The following ATP7A variants were observed in gnomAD, a reference collection of about 807,000 sequenced individuals.
The protein encoded by ATP7A is copper-transporting ATPase 1.
A neutral mutation model predicts 83.5 loss-of-function variants in ATP7A; 7 were observed. The observed-to-expected ratio is 0.08, with a 90% confidence interval of 0.05 to 0.16. ATP7A has a LOEUF of 0.16. Among genes scored for constraint, ATP7A ranks in the 10% least tolerant of loss-of-function variants. ATP7A has a pLI of 1.00. For synonymous variants in ATP7A, 354 were observed against 395.2 expected (o/e 0.90, Z 1.24); for missense variants, 940 against 1,120.8 (o/e 0.84, Z 2.30).
intron 4 of ATP7A, among the ~76,000 whole-genome samples, chrX:77,991,398 A>T (rs181454931): frequency 2.7e-4 from 30 of 112,428 alleles, no homozygotes; most frequent in Admixed American, 4.7e-4. Flanking sequence ...GTATTAGAAC[A>T]TCATTCCTTT....
At chrX:77,966,769 A>C in intron 1 of ATP7A, 1 of 330,994 alleles carries the variant, frequency 3.0e-6, no homozygotes, top group Admixed American at 3.1e-5. Context: ...ATACCTTAAA[A>C]GGCTGAATTT....
chrX:77,972,786 G>A (rs1174502435), intron 2 of ATP7A, among the ~76,000 whole-genome samples: 3 of 111,112 alleles, frequency 2.7e-5, no homozygotes, highest in Non-Finnish European at 3.8e-5. Flanking sequence ...ACAGGTGTGA[G>A]CCACCATGCC....
intron 1 of ATP7A, among the ~76,000 whole-genome samples, chrX:77,949,840 A>T (rs781787648): frequency 2.8e-4 from 31 of 112,381 alleles, no homozygotes; most frequent in Non-Finnish European, 5.3e-4. Flanking sequence ...TTTATTATAC[A>T]TGCATTAGGC....
At chrX:77,939,890 C>T (rs2077341993) in intron 1 of ATP7A, among the ~76,000 whole-genome samples, 1 of 101,350 alleles carries the variant, frequency 9.9e-6, no homozygotes, top group Non-Finnish European at 2.0e-5. Flanking sequence ...TGGGGGGGAC[C>T]CCCCAAAAAC....
At chrX:77,965,399 A>G (rs1428052358) in intron 1 of ATP7A, 4 of 323,622 alleles carry the variant, frequency 1.2e-5, no homozygotes, top group East Asian at 2.0e-4. Context: ...CAAATACCCA[A>G]TAAGCACATG....
chrX:78,030,778 A>C (rs1278344768), intron 15 of ATP7A, among the ~76,000 whole-genome samples: 3 of 102,644 alleles, frequency 2.9e-5, no homozygotes, highest in African/African-American at 1.1e-4. Flanking sequence ...TGCAACCTCC[A>C]CCCACCAAGT....
chrX:77,953,160 A>G (rs1483109985), intron 1 of ATP7A, among the ~76,000 whole-genome samples: 2 of 111,969 alleles, frequency 1.8e-5, no homozygotes, highest in Admixed American at 1.9e-4. Flanking sequence ...ATGTTTTCGC[A>G]TTTGTTGGTT....
Position 78,046,666 on chromosome X carries a change from T to C in ATP7A, c.*96T>C. The C allele has an allele frequency of 9.2e-7, 1 of 1,084,488 alleles. No homozygotes were observed. The highest frequency in any genetic ancestry group is 1.3e-6 in the Non-Finnish European group (1 of 787,475). The allele number at this position is 1,084,488 out of a possible 1,213,427, so 89.4% of individuals were successfully genotyped here. On this transcript the variant is annotated 3_prime_UTR_variant, in exon 23 of 23. Transcript: ENST00000341514. ...TTTCAAAATATTGTAGAAGGATTTT[T>C]CTCATGCTCTTATATTAGGGATTCT...
At chrX:77,940,853 C>A (rs781845526) in intron 1 of ATP7A, among the ~76,000 whole-genome samples, 4 of 111,707 alleles carry the variant, frequency 3.6e-5, no homozygotes, top group African/African-American at 1.3e-4. Context: ...TTTCACATAA[C>A]AGATTGACAA....
rs183290795 is a variant in ATP7A, at chrX:78,046,702, C to A, written c.*132C>A. On this transcript the variant is annotated 3_prime_UTR_variant, in exon 23 of 23. Coordinates refer to ENST00000341514, the MANE Select transcript of ATP7A (RefSeq NM_000052.7). The stretch of plus-strand genomic sequence containing the variant: ...TATATTAGGGATTCTATTTGAGTTG[C>A]GTTTATCTGTTGGCAAAAATATCTT... 3.8e-4 allele frequency: 340 copies of A among 896,107 alleles called. 3 individuals are homozygous for A. In the African/African-American group the frequency reaches 5.3e-3, roughly 14 times the overall value. The allele number at this position is 896,107 out of a possible 1,213,427, so 73.8% of individuals were successfully genotyped here.
intron 2 of ATP7A, among the ~76,000 whole-genome samples, chrX:77,985,319 G>A (rs1557231265): frequency 9.4e-6 from 1 of 106,663 alleles, no homozygotes; most frequent in East Asian, 3.1e-4. Context: ...CACCTGGCCT[G>A]AGGAAGTGAT....
intron 14 of ATP7A, 150 bp from the exon 15 acceptor site, chrX:78,029,100 T>A (rs1448020283): frequency 1.8e-5 from 10 of 559,287 alleles, no homozygotes; most frequent in Non-Finnish European, 2.9e-5. Flanking sequence ...GAAAGTGTTT[T>A]CTTACCTGTA....
At chrX:78,005,463 C>T (rs1200068128) in intron 6 of ATP7A, among the ~76,000 whole-genome samples, 1 of 109,894 alleles carries the variant, frequency 9.1e-6, no homozygotes, top group Non-Finnish European at 1.9e-5. Flanking sequence ...GGGTGGATCA[C>T]CTGAAGTCAG....
intron 6 of ATP7A, among the ~76,000 whole-genome samples, chrX:78,008,014 C>A (rs1393420518): frequency 1.8e-5 from 2 of 112,161 alleles, no homozygotes; most frequent in African/African-American, 6.5e-5. Flanking sequence ...CTATGAAATA[C>A]TATGTCTTAT....
rs782398079 is a variant in ATP7A, at chrX:77,988,597, C to G, written c.476C>G (p.Ala159Gly). 1.7e-6 allele frequency: 2 copies of G among 1,209,862 alleles called. No homozygotes were observed. Among genetic ancestry groups the G allele is most frequent in the South Asian group, 3.5e-5 (2 of 56,835 alleles). ...GGGACACTGGAGAAAAAGTCAGGAG[C>G]TTGTGAAGATCATAGTATGGCTCAA... ...DTGTLEKKSG[A>G]CEDHSMAQAG... Residue 159 changes from alanine (A) to glycine (G), a missense_variant, in exon 3 of 23, where the codon GCT becomes GGT. By Grantham distance (60) the Ala-to-Gly change is moderately conservative (BLOSUM62 0). Transcript: ENST00000341514.
At chrX:77,914,237 A>C (rs782681049) in intron 1 of ATP7A, among the ~76,000 whole-genome samples, 2 of 109,832 alleles carry the variant, frequency 1.8e-5, no homozygotes, top group Non-Finnish European at 3.8e-5. Context: ...TTTATTAATT[A>C]ATTATTATTT....
chrX:77,918,631 A>G (rs1282261883), intron 1 of ATP7A, among the ~76,000 whole-genome samples: 1 of 111,198 alleles, frequency 9.0e-6, no homozygotes, highest in Non-Finnish European at 1.9e-5. Context: ...AGAAGACATT[A>G]TGGGGAGCCA....
At chrX:77,972,357 AT>A (rs1208908922) in intron 2 of ATP7A, among the ~76,000 whole-genome samples, 26 of 104,024 alleles carry the variant, frequency 2.5e-4, no homozygotes, top group African/African-American at 2.8e-4. Context: ...ATGCTAGCTA[AT>A]TTTTTTTTTT....
At chrX:77,948,905 T>C in intron 1 of ATP7A, among the ~76,000 whole-genome samples, 1 of 111,538 alleles carries the variant, frequency 9.0e-6, no homozygotes, top group Non-Finnish European at 1.9e-5. Flanking sequence ...TTTATTTTTA[T>C]TCTGGAGACG....
Sources: allele counts gnomAD v4.1 joint callset (sites outside exome capture counted in the v4.1 genomes callset), GRCh38; gene constraint gnomAD v4.1.1; transcripts MANE v1.5; gene names NCBI Gene and HGNC (gene_info 2026-07-23, HGNC 2026-07-21).